The following ARID5B variants were observed in gnomAD, a reference collection of about 807,000 sequenced individuals.
ARID5B encodes the protein AT-rich interactive domain-containing protein 5B.
ARID5B carries 13 observed loss-of-function variants against 97.2 expected under a neutral mutation model. The observed-to-expected ratio is 0.13, with a 90% CI of 0.09 to 0.21. The LOEUF (loss-of-function observed/expected upper bound fraction) is 0.21, where lower values mean the gene tolerates loss of function less well. Ranked by LOEUF, ARID5B falls within the 10% of genes least tolerant of loss-of-function variation. The pLI, the probability that ARID5B is intolerant of heterozygous loss-of-function variation, is 1.00. For missense variants in ARID5B, 1,210 were observed against 1,465.3 expected (o/e 0.83, Z 2.84); for synonymous variants, 556 against 570.3 (o/e 0.97, Z 0.36).
At position 62,093,141 on chromosome 10, in the gene ARID5B, A is replaced by G. The variant is rs1840411116; in HGVS notation, c.*111A>G. ...TCAGTATTTCTTCTAATCTGAGGCT[A>G]TGATCAGTCCCAGCTGTAGGGGCCC... On this transcript the variant is annotated 3_prime_UTR_variant, in exon 10 of 10. Coordinates refer to ENST00000279873, the MANE Select transcript of ARID5B (RefSeq NM_032199.3). 2 of 1,465,126 alleles carry G rather than the reference A, an allele frequency of 1.4e-6. No homozygotes were observed. Among genetic ancestry groups the G allele is most frequent in the African/African-American group, 1.4e-5 (1 of 70,876 alleles). The allele number at this position is 1,465,126 out of a possible 1,614,324, so 90.8% of individuals were successfully genotyped here. A position where few individuals can be genotyped will look rare whatever the true frequency, so the allele number is the denominator to read the frequency against.
At chr10:61,910,980 T>C (rs1843793903) in intron 2 of ARID5B, among the ~76,000 whole-genome samples, 1 of 152,160 alleles carries the variant, frequency 6.6e-6, no homozygotes, top group Non-Finnish European at 1.5e-5. Flanking sequence ...AAAGGCCAAA[T>C]GTTGCTAGTC....
intron 3 of ARID5B, among the ~76,000 whole-genome samples, chr10:61,958,286 T>C (rs1838420463): frequency 6.6e-6 from 1 of 152,046 alleles, no homozygotes; most frequent in African/African-American, 2.4e-5. Flanking sequence ...TTCTTGTGGA[T>C]TGGTGTGATC....
intron 3 of ARID5B, among the ~76,000 whole-genome samples, chr10:61,940,923 CTATATATATATATATATATATATATA>C (rs1281824107): frequency 1.5e-3 from 17 of 11,450 alleles, no homozygotes; most frequent in East Asian, 6.7e-3. Flanking sequence ...GTACCATCAA[CTATATATATATATATATATATATATA>C]TATATATATA....
At chr10:62,025,916 G>A (rs1839414985) in intron 4 of ARID5B, among the ~76,000 whole-genome samples, 1 of 152,124 alleles carries the variant, frequency 6.6e-6, no homozygotes, top group Non-Finnish European at 1.5e-5. Flanking sequence ...TTCACTGAGT[G>A]GAAGTTCAAA....
chr10:61,952,788 A>T (rs570358231), intron 3 of ARID5B, among the ~76,000 whole-genome samples: 13 of 152,250 alleles, frequency 8.5e-5, no homozygotes, highest in Admixed American at 2.6e-4. Flanking sequence ...TTGAGAGATC[A>T]CGTGAACATG....
rs77894564 is a variant in ARID5B at position 61,940,128 on chromosome 10, T to C, written c.277-55T>C. 75 of 1,550,368 alleles carry C rather than the reference T, an allele frequency of 4.8e-5. No homozygotes were observed. In the East Asian group the frequency reaches 1.6e-3, roughly 34 times the overall value. ...GATGGGCCTTGTGGAGAGTGGATCA[T>C]TTCCCTCAAACCTATAAATAACGTT... On this transcript the variant is annotated intron_variant, in intron 2 of 9. Coordinates refer to ENST00000279873, the MANE Select transcript of ARID5B (RefSeq NM_032199.3).
chr10:62,026,157 C>A (rs1157566735), intron 4 of ARID5B, among the ~76,000 whole-genome samples: 1 of 152,224 alleles, frequency 6.6e-6, no homozygotes, highest in Admixed American at 6.5e-5. Context: ...TATACCCAAG[C>A]CTTGTTGCAA....
At chr10:61,980,173 CTT>C (rs779122657) in intron 3 of ARID5B, among the ~76,000 whole-genome samples, 1 of 152,064 alleles carries the variant, frequency 6.6e-6, no homozygotes, top group Non-Finnish European at 1.5e-5. Flanking sequence ...TAAAATGTGA[CTT>C]TTAATCTTTT....
intron 4 of ARID5B, among the ~76,000 whole-genome samples, chr10:62,039,975 T>C (rs1371099568): frequency 6.6e-6 from 1 of 152,222 alleles, no homozygotes; most frequent in African/African-American, 2.4e-5. Context: ...GATTAAGAAG[T>C]GTCTACTTCC....
intron 3 of ARID5B, among the ~76,000 whole-genome samples, chr10:61,980,091 C>A (rs1757931338): frequency 6.7e-6 from 1 of 149,402 alleles, no homozygotes; most frequent in Non-Finnish European, 1.5e-5. Context: ...GAGACTCTGT[C>A]TCAAAAAAAT....
chr10:62,028,841 A>G (rs1259472646), intron 4 of ARID5B, among the ~76,000 whole-genome samples: 1 of 151,966 alleles, frequency 6.6e-6, no homozygotes, highest in African/African-American at 2.4e-5. Flanking sequence ...CATGCCTGTA[A>G]TCCCAGCTAC....
At chr10:62,062,779 C>CAAAAA (rs55969343) in intron 7 of ARID5B, among the ~76,000 whole-genome samples, 1 of 86,204 alleles carries the variant, frequency 1.2e-5, no homozygotes, top group African/African-American at 4.3e-5. Flanking sequence ...GGCCTTTGTG[C>CAAAAA]AAAAAAAAAA....
At chr10:62,072,790 G>T (rs775859427) in intron 8 of ARID5B, among the ~76,000 whole-genome samples, 2 of 152,210 alleles carry the variant, frequency 1.3e-5, no homozygotes, top group Non-Finnish European at 2.9e-5. Flanking sequence ...TCTCCAAGAG[G>T]AATCACCCAT....
chr10:62,045,934 G>A (rs763789645), intron 4 of ARID5B, among the ~76,000 whole-genome samples: 20 of 152,290 alleles, frequency 1.3e-4, no homozygotes, highest in Middle Eastern at 6.8e-3. Context: ...TTAACGCTCC[G>A]CCGACTTCTC....
chr10:61,905,913 A>G (rs1215549240), intron 2 of ARID5B, among the ~76,000 whole-genome samples: 6 of 152,226 alleles, frequency 3.9e-5, no homozygotes, highest in Non-Finnish European at 7.3e-5. Flanking sequence ...ATATGCTTAT[A>G]TACACCAATG....
intron 4 of ARID5B, among the ~76,000 whole-genome samples, chr10:62,008,252 A>G (rs1839172556): frequency 6.6e-6 from 1 of 152,154 alleles, no homozygotes; most frequent in African/African-American, 2.4e-5. Flanking sequence ...TGTCAGTATC[A>G]TTGCTATCCC....
chr10:61,926,059 A>G (rs1247178512), intron 2 of ARID5B, among the ~76,000 whole-genome samples: 1 of 152,222 alleles, frequency 6.6e-6, no homozygotes. Context: ...CCTCCGTGGC[A>G]AATCATTTCA....
rs1181646493 is a variant in ARID5B, at chr10:62,093,648, C to T, written c.*618C>T. ...GTTCCATTTTCTCCCAGTTCCTTCT[C>T]GTCTTTTTTTTTTTTTTTTTTTTTT... On this transcript the variant is annotated 3_prime_UTR_variant, in exon 10 of 10. Coordinates refer to ENST00000279873, the MANE Select transcript of ARID5B (RefSeq NM_032199.3). 9.5e-5 allele frequency: 17 copies of T among 178,634 alleles called. No homozygotes were observed. The Admixed American group carries it at 1.2e-3, about 12-fold the overall frequency. The allele number at this position is 178,634 out of a possible 1,614,324, so 11.1% of individuals were successfully genotyped here.
chr10:61,923,759 G>A (rs1162329465), intron 2 of ARID5B, among the ~76,000 whole-genome samples: 1 of 152,170 alleles, frequency 6.6e-6, no homozygotes, highest in Non-Finnish European at 1.5e-5. Flanking sequence ...CACTTCCCAG[G>A]AAAGGAGCAG....
Sources: allele counts gnomAD v4.1 joint callset (sites outside exome capture counted in the v4.1 genomes callset), GRCh38; gene constraint gnomAD v4.1.1; transcripts MANE v1.5; gene names NCBI Gene and HGNC (gene_info 2026-07-23, HGNC 2026-07-21).